DGKB: variants seen among roughly 807,000 people sequenced by gnomAD.
DGKB encodes 90 kDa diacylglycerol kinase.
Under a neutral mutation model 114.3 loss-of-function variants are expected in DGKB, and 67 were observed. The observed-to-expected ratio is 0.59, with a 90% CI of 0.48 to 0.72. DGKB has a LOEUF of 0.72. Ranked by LOEUF, DGKB falls within the 30% of genes least tolerant of loss-of-function variation. DGKB has a pLI of 0.00. For missense variants in DGKB, 907 were observed against 975.2 expected (o/e 0.93, Z 0.93); for synonymous variants, 398 against 323.1 (o/e 1.23, Z -2.49).
Position 14,621,464 on chromosome 7 carries a change from T to A in DGKB, c.1198A>T (p.Ser400Cys), listed in dbSNP as rs934367965. The A allele has an allele frequency of 3.1e-6, 5 of 1,608,828 alleles. No individual in the cohort carries two copies. Among genetic ancestry groups the A allele is most frequent in the African/African-American group, 1.3e-5 (1 of 74,924 alleles). ...ACTTTGTTTGGCTGCTGGGAACCAC[T>A]CTTTTCCTTTTTCACTGTTGATTGT... ...ERQSTVKKEK[S>C]GSQQPNKVID... The change falls in exon 15 of 26, where the codon AGT (serine) becomes TGT (cysteine). Residue 400 changes from serine to cysteine, a missense_variant. By Grantham distance (112) the Ser-to-Cys change is moderately radical. Around this residue, in one of 3 missense-constraint regions of DGKB, gnomAD observed 814 missense variants for 856.6 expected, o/e 0.95. Coordinates refer to ENST00000402815, the MANE Select transcript of DGKB (RefSeq NM_001350709.2).
At chr7:14,168,850 G>A (rs889873311) in intron 25 of DGKB, among the ~76,000 whole-genome samples, 1 of 152,170 alleles carries the variant, frequency 6.6e-6, no homozygotes, top group Non-Finnish European at 1.5e-5. Context: ...GCTTCATGAG[G>A]AAATTGCTTC....
chr7:14,313,760 C>G (rs1805898699), intron 23 of DGKB, among the ~76,000 whole-genome samples: 1 of 152,298 alleles, frequency 6.6e-6, no homozygotes, highest in East Asian at 1.9e-4. Context: ...CCTGGAAGCT[C>G]CAACTGGGTG....
At chr7:14,606,822 TAAC>T (rs2128778901) in intron 17 of DGKB, among the ~76,000 whole-genome samples, 1 of 152,184 alleles carries the variant, frequency 6.6e-6, no homozygotes, top group East Asian at 1.9e-4. Flanking sequence ...TCTTACCTGT[TAAC>T]AATGAAGTAT....
At chr7:14,564,169 G>A (rs1291452032) in intron 20 of DGKB, among the ~76,000 whole-genome samples, 1 of 152,182 alleles carries the variant, frequency 6.6e-6, no homozygotes, top group Non-Finnish European at 1.5e-5. Context: ...GTATCCATTA[G>A]TTAAGCCACT....
At chr7:14,473,610 C>T (rs2128894709) in intron 21 of DGKB, among the ~76,000 whole-genome samples, 1 of 152,296 alleles carries the variant, frequency 6.6e-6, no homozygotes, top group Non-Finnish European at 1.5e-5. Context: ...CGACAGCTTG[C>T]ACCATGTACC....
At chr7:14,501,227 G>A (rs914225111) in intron 20 of DGKB, among the ~76,000 whole-genome samples, 1 of 151,830 alleles carries the variant, frequency 6.6e-6, no homozygotes, top group Admixed American at 6.6e-5. Context: ...TTAAGGGCCT[G>A]CCCAGGAAGG....
chr7:14,879,982 T>C (rs1853968448), intron 1 of DGKB, among the ~76,000 whole-genome samples: 1 of 152,128 alleles, frequency 6.6e-6, no homozygotes, highest in African/African-American at 2.4e-5. Context: ...AAGATGACAA[T>C]TTGGTTTCTA....
At chr7:14,689,199 ATTTTTTTTTTTTT>A (rs551618345) in intron 9 of DGKB, among the ~76,000 whole-genome samples, 4,413 of 76,706 alleles carry the variant, frequency 0.058, 246 homozygotes, top group South Asian at 0.13. Flanking sequence ...AACTCCTCTT[ATTTTTTTTTTTTT>A]TTTTTTTTTT....
chr7:14,652,577 G>T (rs1814792875), intron 13 of DGKB, among the ~76,000 whole-genome samples: 1 of 151,766 alleles, frequency 6.6e-6, no homozygotes, highest in African/African-American at 2.4e-5. Context: ...TACCATTCGG[G>T]ACATAGGCAT....
chr7:14,661,652 C>T (rs1459341672), intron 13 of DGKB, among the ~76,000 whole-genome samples: 2 of 151,974 alleles, frequency 1.3e-5, no homozygotes, highest in African/African-American at 4.8e-5. Context: ...TGTGGCGATT[C>T]CTCAGGGATC....
chr7:14,284,195 G>T (rs1248958631), intron 23 of DGKB, among the ~76,000 whole-genome samples: 2 of 151,252 alleles, frequency 1.3e-5, no homozygotes, highest in African/African-American at 4.9e-5. Flanking sequence ...CAAAAAGTGG[G>T]CGAAGGACAT....
At chr7:14,763,482 GA>G (rs1291879706) in intron 2 of DGKB, among the ~76,000 whole-genome samples, 2 of 151,972 alleles carry the variant, frequency 1.3e-5, no homozygotes, top group Non-Finnish European at 2.9e-5. Flanking sequence ...CAAAGTTAAG[GA>G]AATTATTACC....
At chr7:14,212,870 C>T (rs994121438) in intron 23 of DGKB, among the ~76,000 whole-genome samples, 4 of 151,988 alleles carry the variant, frequency 2.6e-5, no homozygotes, top group East Asian at 1.9e-4. Context: ...TTTTCCAAAT[C>T]GATCAATTAG....
intron 16 of DGKB, among the ~76,000 whole-genome samples, chr7:14,611,259 T>C (rs926420573): frequency 6.6e-6 from 1 of 152,158 alleles, no homozygotes. Context: ...ACAGATCTAT[T>C]TATGTCCCTG....
chr7:14,944,524 A>G (rs1316748599), intron 1 of DGKB, among the ~76,000 whole-genome samples: 1 of 151,926 alleles, frequency 6.6e-6, no homozygotes, highest in East Asian at 1.9e-4. Context: ...CTTTCTTGAG[A>G]AGTAAATCAC....
At chr7:14,392,337 T>C (rs1821449355) in intron 21 of DGKB, among the ~76,000 whole-genome samples, 1 of 152,174 alleles carries the variant, frequency 6.6e-6, no homozygotes, top group Non-Finnish European at 1.5e-5. Flanking sequence ...TGGATGAGGT[T>C]GCCAACACAA....
intron 1 of DGKB, among the ~76,000 whole-genome samples, chr7:14,967,319 T>TTTTATA (rs1193571107): frequency 2.0e-5 from 3 of 151,588 alleles, no homozygotes; most frequent in African/African-American, 7.3e-5. Context: ...TTATTTTTAT[T>TTTTATA]TTTATTTTTA....
chr7:14,294,250 CT>C (rs1802192652), intron 23 of DGKB, among the ~76,000 whole-genome samples: 1 of 152,136 alleles, frequency 6.6e-6, no homozygotes, highest in Admixed American at 6.6e-5. Context: ...CCAGGATAAT[CT>C]TTTGGTTAGC....
chr7:14,626,461 A>T (rs1808608799), intron 14 of DGKB, among the ~76,000 whole-genome samples: 1 of 152,160 alleles, frequency 6.6e-6, no homozygotes, highest in Non-Finnish European at 1.5e-5. Flanking sequence ...GGCCACATGA[A>T]TTTTCCAGAA....
Sources: gnomAD v4.1 joint callset for allele counts (sites outside exome capture counted in the v4.1 genomes callset) on GRCh38, gnomAD v4.1.1 for gene constraint, gnomAD v4.1.1 regional missense constraint, MANE v1.5 for transcripts, NCBI Gene and HGNC (gene_info 2026-07-23, HGNC 2026-07-21) for gene names.